MBOAT2: variants seen among roughly 807,000 people sequenced by gnomAD.
MBOAT2 encodes membrane-bound glycerophospholipid O-acyltransferase 2.
A neutral mutation model predicts 63.4 loss-of-function variants in MBOAT2; 28 were observed. The ratio of observed to expected loss-of-function variants is 0.44; its 90% CI spans 0.33 to 0.61. The LOEUF is 0.61. Ranked by LOEUF, MBOAT2 falls within the 20% of genes least tolerant of loss-of-function variation. The pLI is 0.03. For missense variants in MBOAT2, 470 were observed against 605.8 expected, an observed-to-expected ratio of 0.78 and a Z score of 2.35; for synonymous variants, 211 against 215.6, an observed-to-expected ratio of 0.98 and a Z score of 0.19.
intron 7 of MBOAT2, among the ~76,000 whole-genome samples, chr2:8,873,815 T>C (rs1033808710): frequency 6.6e-6 from 1 of 152,180 alleles, no homozygotes; most frequent in Non-Finnish European, 1.5e-5. Flanking sequence ...AAAAGAGCTA[T>C]ACACCTGAGA....
chr2:8,977,012 T>G (rs931644312), intron 1 of MBOAT2, among the ~76,000 whole-genome samples: 1 of 151,990 alleles, frequency 6.6e-6, no homozygotes, highest in African/African-American at 2.4e-5. Context: ...ACAAAAAGCT[T>G]ATCAGTGGTT....
At chr2:8,912,373 GAGAA>G (rs139345161) in intron 3 of MBOAT2, among the ~76,000 whole-genome samples, 13,888 of 82,318 alleles carry the variant, frequency 0.17, 2,141 homozygotes, top group Non-Finnish European at 0.18. Context: ...AAGAAAGAAA[GAGAA>G]AGAAAGAAAG....
chr2:8,881,578 T>C (rs1271727554), intron 6 of MBOAT2, among the ~76,000 whole-genome samples: 2 of 152,118 alleles, frequency 1.3e-5, no homozygotes, highest in East Asian at 3.8e-4. Flanking sequence ...ACAGGGGAAA[T>C]GGCAGCTGAG....
intron 7 of MBOAT2, 166 bp downstream of exon 7, chr2:8,876,864 C>A: frequency 1.7e-6 from 1 of 589,294 alleles, no homozygotes; most frequent in South Asian, 2.8e-5. Flanking sequence ...TATTTGTGTT[C>A]TTAATCATGA....
intron 1 of MBOAT2, among the ~76,000 whole-genome samples, chr2:8,972,297 G>GA (rs1670511993): frequency 6.6e-6 from 1 of 152,152 alleles, no homozygotes; most frequent in African/African-American, 2.4e-5. Flanking sequence ...AATGGTGCTG[G>GA]AAAAACTGGC....
chr2:8,929,901 A>C (rs1331785539), intron 3 of MBOAT2, among the ~76,000 whole-genome samples: 1 of 152,118 alleles, frequency 6.6e-6, no homozygotes, highest in African/African-American at 2.4e-5. Context: ...AATATTCCTA[A>C]CATCTGAATT....
intron 1 of MBOAT2, among the ~76,000 whole-genome samples, chr2:8,976,054 C>CT (rs1211712191): frequency 6.6e-6 from 1 of 152,106 alleles, no homozygotes; most frequent in Non-Finnish European, 1.5e-5. Context: ...CAGACAACAG[C>CT]ACAGAGAACT....
chr2:8,867,652 T>C (rs1661997977), intron 9 of MBOAT2, among the ~76,000 whole-genome samples: 1 of 152,236 alleles, frequency 6.6e-6, no homozygotes, highest in Non-Finnish European at 1.5e-5. Context: ...CATAACTCAT[T>C]CTCTCTTGCT....
At chr2:8,896,893 T>A (rs1664520945) in intron 4 of MBOAT2, among the ~76,000 whole-genome samples, 1 of 150,562 alleles carries the variant, frequency 6.6e-6, no homozygotes, top group African/African-American at 2.5e-5. Flanking sequence ...TGTATGATAA[T>A]TAAGATTTAG....
rs1174417411 is a variant in MBOAT2 at position 8,949,012 on chromosome 2, CT to C, written c.222-5749del. 3.9e-5 allele frequency among the ~76,000 whole-genome samples: 6 copies of C among 152,292 alleles called. No homozygotes were observed. In the South Asian group the frequency reaches 1.2e-3, roughly 32 times the overall value. On this transcript the variant is annotated intron_variant, in intron 2 of 12. Coordinates refer to ENST00000305997, the MANE Select transcript of MBOAT2 (RefSeq NM_138799.4). The stretch of plus-strand genomic sequence containing the variant: ...CTTGCCAATATCCGTTGTGTTTTGA[CT>C]TTTTAATAATAACCATTCTGACTGG...
intron 2 of MBOAT2, among the ~76,000 whole-genome samples, chr2:8,951,064 G>C (rs1485242119): frequency 6.6e-6 from 1 of 152,126 alleles, no homozygotes; most frequent in South Asian, 2.1e-4. Flanking sequence ...ATGTTCGTCA[G>C]GGATATTGGC....
At position 8,880,244 on chromosome 2, in the gene MBOAT2, G is replaced by A. The variant is rs146750200; in HGVS notation, c.506+2267C>T. 3.8e-3 allele frequency among the ~76,000 whole-genome samples: 573 copies of A among 152,108 alleles called. 7 individuals carry two copies. Among genetic ancestry groups the A allele is most frequent in the Middle Eastern group, 0.031 (9 of 294 alleles). On this transcript the variant is annotated intron_variant, in intron 6 of 12. Transcript: ENST00000305997. The stretch of plus-strand genomic sequence containing the variant: ...ATGAGGGTTTGTACTGGGATGTGAC[G>A]GGTGGAAGAGGTGAAAATCAGTCAG...
intron 1 of MBOAT2, among the ~76,000 whole-genome samples, chr2:8,965,158 A>T (rs1180090691): frequency 6.6e-6 from 1 of 152,164 alleles, no homozygotes; most frequent in Non-Finnish European, 1.5e-5. Context: ...TAGTTTTTTT[A>T]AAAAACAGAA....
chr2:8,938,068 GAC>G (rs1311459216), intron 3 of MBOAT2, among the ~76,000 whole-genome samples: 2 of 152,180 alleles, frequency 1.3e-5, no homozygotes, highest in African/African-American at 2.4e-5. Context: ...CACACATCAA[GAC>G]ACATGTAGGG....
intron 1 of MBOAT2, among the ~76,000 whole-genome samples, chr2:8,978,548 T>G (rs1351569270): frequency 6.6e-6 from 1 of 152,116 alleles, no homozygotes; most frequent in Non-Finnish European, 1.5e-5. Context: ...CTAATTTAAC[T>G]TGAAAGCATT....
chr2:8,878,344 A>G (rs1662850574), intron 6 of MBOAT2, among the ~76,000 whole-genome samples: 1 of 152,232 alleles, frequency 6.6e-6, no homozygotes. Flanking sequence ...AAGAAAGCCT[A>G]CTGTCCACTG....
intron 11 of MBOAT2, 94 bp from the exon 12 acceptor site, chr2:8,860,858 G>T: frequency 1.0e-6 from 1 of 1,001,816 alleles, no homozygotes; most frequent in Non-Finnish European, 1.5e-6. Flanking sequence ...AGGATGTGGA[G>T]TAGAGTAACT....
At chr2:8,870,758 AAAATTCTTT>A (rs1558555742) in intron 8 of MBOAT2, among the ~76,000 whole-genome samples, 1 of 152,234 alleles carries the variant, frequency 6.6e-6, no homozygotes, top group Non-Finnish European at 1.5e-5. Context: ...CTTACAGCTA[AAAATTCTTT>A]AAATTCTTTA....
intron 3 of MBOAT2, among the ~76,000 whole-genome samples, chr2:8,916,669 T>C (rs1666202787): frequency 6.6e-6 from 1 of 152,248 alleles, no homozygotes; most frequent in African/African-American, 2.4e-5. Flanking sequence ...GAGTGTTTGT[T>C]TTAACACGAT....
Sources: gnomAD v4.1 joint callset for allele counts (sites outside exome capture counted in the v4.1 genomes callset) on GRCh38, gnomAD v4.1.1 for gene constraint, MANE v1.5 for transcripts, NCBI Gene and HGNC (gene_info 2026-07-23, HGNC 2026-07-21) for gene names.